The following ABI1 variants were observed in gnomAD, a reference collection of about 807,000 sequenced individuals.
ABI1 encodes the protein Abelson interactor 1.
Under a neutral mutation model 54.6 loss-of-function variants are expected in ABI1, and 14 were observed. That is an observed-to-expected ratio of 0.26 (90% CI 0.17 to 0.40). The LOEUF (loss-of-function observed/expected upper bound fraction) is 0.40. Among genes scored for constraint, ABI1 ranks in the 10% least tolerant of loss-of-function variants. ABI1 has a pLI of 1.00. For synonymous variants in ABI1, 194 were observed against 209.3 expected (o/e 0.93, Z 0.63); for missense variants, 443 against 598.3 (o/e 0.74, Z 2.71).
At chr10:26,807,523 G>A (rs187163099) in intron 2 of ABI1, among the ~76,000 whole-genome samples, 74 of 152,202 alleles carry the variant, frequency 4.9e-4, no homozygotes, top group African/African-American at 1.7e-3. Flanking sequence ...GACTTAAATC[G>A]CAAACTTTCT....
In ABI1 at chr10:26,759,127, G is replaced by A. The variant is rs1838752747; in HGVS notation, c.932C>T (p.Ser311Phe). 6.2e-7 allele frequency: 1 copy of A among 1,614,034 alleles called. No individual in the cohort carries two copies. Reference protein sequence around the residue: ...TSSGGYRRTPSVTAQFSAQPH... With the variant: ...TSSGGYRRTPFVTAQFSAQPH... ...CTGAGCAGAAAATTGAGCAGTCACA[G>A]AGGGAGTTCGTCTGTATCCACCAGA... Residue 311 changes from serine (S) to phenylalanine (F), a missense_variant, in exon 8 of 11, where the codon TCT becomes TTT. Coordinates refer to ENST00000376140, the MANE Select transcript of ABI1 (RefSeq NM_001012750.3).
At chr10:26,809,759 C>T (rs1385955365) in intron 2 of ABI1, among the ~76,000 whole-genome samples, 1 of 152,042 alleles carries the variant, frequency 6.6e-6, no homozygotes, top group Non-Finnish European at 1.5e-5. Context: ...ACAGCACTAG[C>T]CCTGATAAAA....
intron 1 of ABI1, among the ~76,000 whole-genome samples, chr10:26,843,473 AAAAAAAAAAAAAATATAT>A (rs2049712118): frequency 1.6e-5 from 1 of 63,860 alleles, no homozygotes; most frequent in African/African-American, 8.5e-5. Context: ...AAAAAAAAAA[AAAAAAAAAAAAAATATAT>A]ATATATATAT....
rs1838794737 is a variant in ABI1 at position 26,759,360 on chromosome 10, G to A, written c.821-122C>T. 2.3e-5 allele frequency: 16 copies of A among 685,460 alleles called. No individual in the cohort carries two copies. The Middle Eastern group carries it at 2.7e-3, about 118-fold the overall frequency. 42.5% of individuals were successfully genotyped at this position (685,460 alleles called of 1,614,324 possible). A position where few individuals can be genotyped will look rare whatever the true frequency, so the allele number is the denominator to read the frequency against. On this transcript the variant is annotated intron_variant, in intron 7 of 10. Transcript: ENST00000376140. Reference sequence around the variant, plus strand: ...TATTTATTACTTTTTCAAGACCAAGGCACAAAATAAAGAGAAAAGTAAAGA... The same window carrying A: ...TATTTATTACTTTTTCAAGACCAAGACACAAAATAAAGAGAAAAGTAAAGA...
intron 1 of ABI1, among the ~76,000 whole-genome samples, chr10:26,854,237 G>T (rs116180649): frequency 1.3e-5 from 2 of 152,074 alleles, no homozygotes; most frequent in African/African-American, 4.8e-5. Context: ...AACAGACCAG[G>T]ACTAGTCAGA....
chr10:26,809,196 G>A (rs1193781238), intron 2 of ABI1, among the ~76,000 whole-genome samples: 1 of 151,694 alleles, frequency 6.6e-6, no homozygotes, highest in Non-Finnish European at 1.5e-5. Context: ...CTTGAACCCG[G>A]GAGGCGGAGG....
chr10:26,773,215 CTT>C lies in ABI1; in HGVS notation c.463-2128_463-2127del, dbSNP rs58739177. On this transcript the variant is annotated intron_variant, in intron 3 of 10. Coordinates refer to ENST00000376140, the MANE Select transcript of ABI1 (RefSeq NM_001012750.3). ...AGGCACTAAATGTCTAATGCTAATT[CTT>C]TTTTTTTTTTTGCTGGCTCTGTTGC... 9.7e-5 allele frequency among the ~76,000 whole-genome samples: 9 copies of C among 92,464 alleles called. 1 individual carries two copies. Among genetic ancestry groups the C allele is most frequent in the African/African-American group, 1.4e-4 (3 of 22,186 alleles). The allele number at this position is 92,464 out of a possible 152,430, so 60.7% of individuals were successfully genotyped here. A position where few individuals can be genotyped will look rare whatever the true frequency, so the allele number is the denominator to read the frequency against.
chr10:26,767,971 G>A (rs1045182380), intron 6 of ABI1, among the ~76,000 whole-genome samples: 2 of 152,008 alleles, frequency 1.3e-5, no homozygotes, highest in East Asian at 3.9e-4. Context: ...GCTTAAGCCT[G>A]GGTGGTAGAA....
intron 2 of ABI1, among the ~76,000 whole-genome samples, chr10:26,785,173 T>A (rs1198526139): frequency 6.6e-6 from 1 of 152,184 alleles, no homozygotes; most frequent in Non-Finnish European, 1.5e-5. Context: ...ACAAATGAAG[T>A]TGCATAATCA....
At chr10:26,838,813 T>C (rs1241868404) in intron 1 of ABI1, among the ~76,000 whole-genome samples, 1 of 152,172 alleles carries the variant, frequency 6.6e-6, no homozygotes, top group Admixed American at 6.5e-5. Context: ...TTTGTAGTGG[T>C]TAAATAACTT....
chr10:26,833,506 C>T (rs747890271), intron 1 of ABI1, among the ~76,000 whole-genome samples: 8 of 152,244 alleles, frequency 5.3e-5, no homozygotes, highest in Admixed American at 2.0e-4. Context: ...TGAAAAACCC[C>T]AGCTCTAGAA....
At chr10:26,804,587 A>C (rs1207069967) in intron 2 of ABI1, among the ~76,000 whole-genome samples, 3 of 152,196 alleles carry the variant, frequency 2.0e-5, no homozygotes, top group African/African-American at 7.2e-5. Flanking sequence ...GAGAGATTGA[A>C]TATAAGAGAA....
intron 1 of ABI1, chr10:26,839,657 A>C: frequency 1.6e-6 from 1 of 630,028 alleles, no homozygotes; most frequent in Non-Finnish European, 2.8e-6. Flanking sequence ...TGTTTAAAAA[A>C]AAAAAAAAAC....
intron 2 of ABI1, among the ~76,000 whole-genome samples, chr10:26,782,804 A>G (rs1236888292): frequency 6.6e-6 from 1 of 152,144 alleles, no homozygotes; most frequent in Non-Finnish European, 1.5e-5. Flanking sequence ...GGCAATGCAA[A>G]TCAAAACCAC....
At chr10:26,782,980 T>C (rs1177436979) in intron 2 of ABI1, among the ~76,000 whole-genome samples, 2 of 152,008 alleles carry the variant, frequency 1.3e-5, no homozygotes, top group East Asian at 1.9e-4. Flanking sequence ...CAATTATAGG[T>C]ATATACTCAA....
chr10:26,775,293 T>C (rs1841245528), intron 3 of ABI1, among the ~76,000 whole-genome samples: 1 of 152,180 alleles, frequency 6.6e-6, no homozygotes, highest in Admixed American at 6.5e-5. Flanking sequence ...AAACAAACTA[T>C]AGACAAATAT....
At chr10:26,773,001 T>C (rs1396276311) in intron 3 of ABI1, among the ~76,000 whole-genome samples, 1 of 151,962 alleles carries the variant, frequency 6.6e-6, no homozygotes, top group Non-Finnish European at 1.5e-5. Context: ...CACTTGAGCC[T>C]AGAAAGTTGT....
At chr10:26,759,385 A>G (rs2132533531) in intron 7 of ABI1, 147 bp from the exon 8 acceptor site, 1 of 590,904 alleles carries the variant, frequency 1.7e-6, no homozygotes, top group East Asian at 3.1e-5. Flanking sequence ...AAAAGTAAAG[A>G]TAAAAATCAG....
intron 1 of ABI1, among the ~76,000 whole-genome samples, chr10:26,852,246 G>A (rs1487924731): frequency 5.3e-5 from 8 of 151,994 alleles, no homozygotes; most frequent in East Asian, 1.9e-4. Flanking sequence ...TTGGGAGGCC[G>A]AGATGGGTGG....
Sources: gnomAD v4.1 joint callset for allele counts (sites outside exome capture counted in the v4.1 genomes callset) on GRCh38, gnomAD v4.1.1 for gene constraint, MANE v1.5 for transcripts, NCBI Gene and HGNC (gene_info 2026-07-23, HGNC 2026-07-21) for gene names.